Variants in TMEM108 observed in about 807,000 individuals in gnomAD.
The protein encoded by TMEM108 is cancer/testis antigen 124.
Under a neutral mutation model 35.1 loss-of-function variants are expected in TMEM108, and 12 were observed. That is an observed-to-expected ratio of 0.34 (90% CI 0.22 to 0.55). The LOEUF is 0.55. Ranked by LOEUF, TMEM108 falls within the 20% of genes least tolerant of loss-of-function variation. TMEM108 has a pLI of 0.89. For synonymous variants in TMEM108, 287 were observed against 308.6 expected (o/e 0.93, Z 0.73); for missense variants, 680 against 753.3 (o/e 0.90, Z 1.14).
chr3:133,380,559 C>A lies in TMEM108; in HGVS notation c.848C>A (p.Ala283Glu), dbSNP rs772525762. 11 of 1,613,930 alleles carry A rather than the reference C, an allele frequency of 6.8e-6. No homozygotes were observed. The highest frequency in any genetic ancestry group is 8.5e-6 in the Non-Finnish European group (10 of 1,179,954). The change falls in exon 4 of 6, where the codon GCA becomes GAA. Residue 283 changes from alanine (A) to glutamate (E), a missense_variant. Around this residue, in one of 3 missense-constraint regions of TMEM108, gnomAD observed 526 missense variants for 532.1 expected, o/e 0.99. Coordinates refer to ENST00000321871, the MANE Select transcript of TMEM108 (RefSeq NM_023943.4). This position sits in a 1 kb window ranked among gnomAD's most constrained non-coding sequence, Gnocchi z 5.3. ...PAKDKPGLRRAAQGGGSTFTS... is the reference protein window; with the variant it reads ...PAKDKPGLRREAQGGGSTFTS... Reference sequence around the variant, plus strand: ...AAGGACAAGCCAGGCCTTCGCAGAGCAGCCCAGGGGGGTGGTTCTACCTTC... The same window carrying A: ...AAGGACAAGCCAGGCCTTCGCAGAGAAGCCCAGGGGGGTGGTTCTACCTTC...
chr3:133,143,569 G>A (rs1559846222), intron 2 of TMEM108, among the ~76,000 whole-genome samples: 2 of 152,064 alleles, frequency 1.3e-5, no homozygotes, highest in Non-Finnish European at 1.5e-5. Context: ...TTATTGCCTT[G>A]TATGGCGAAA....
chr3:133,201,318 T>A (rs547797171), intron 2 of TMEM108, among the ~76,000 whole-genome samples: 15 of 152,132 alleles, frequency 9.9e-5, no homozygotes, highest in Non-Finnish European at 1.9e-4. Flanking sequence ...AAATTTATAC[T>A]TTAAGTTCTG....
At chr3:133,324,421 T>C (rs2071304719) in intron 3 of TMEM108, among the ~76,000 whole-genome samples, 2 of 152,092 alleles carry the variant, frequency 1.3e-5, no homozygotes, top group South Asian at 4.2e-4. Flanking sequence ...TGAAAAAATA[T>C]TCAACATCAC....
chr3:133,084,245 T>C (rs1943852273), intron 2 of TMEM108, among the ~76,000 whole-genome samples: 2 of 152,230 alleles, frequency 1.3e-5, no homozygotes, highest in South Asian at 4.1e-4. Context: ...CAGACTTGCC[T>C]ATCTGAATCA....
chr3:133,265,170 T>A (rs957422613), intron 3 of TMEM108, among the ~76,000 whole-genome samples: 1 of 152,224 alleles, frequency 6.6e-6, no homozygotes, highest in Non-Finnish European at 1.5e-5. Flanking sequence ...TTAGCATAGA[T>A]CTGCTAGGAA....
chr3:133,272,494 T>C (rs1359562914), intron 3 of TMEM108, among the ~76,000 whole-genome samples: 1 of 152,086 alleles, frequency 6.6e-6, no homozygotes, highest in Non-Finnish European at 1.5e-5. Flanking sequence ...CCAGGGATGC[T>C]AAAGGACTGC....
intron 3 of TMEM108, among the ~76,000 whole-genome samples, chr3:133,317,786 C>T (rs955233935): frequency 6.6e-6 from 1 of 152,110 alleles, no homozygotes; most frequent in Non-Finnish European, 1.5e-5. Context: ...GCAAACAAAA[C>T]CGAACAAATC....
intron 2 of TMEM108, among the ~76,000 whole-genome samples, chr3:133,206,641 A>G (rs1342806980): frequency 6.6e-6 from 1 of 152,212 alleles, no homozygotes; most frequent in Admixed American, 6.5e-5. Context: ...GCTGCAGAAT[A>G]GCAAAGATTG....
At chr3:133,355,237 C>T (rs2072128465) in intron 3 of TMEM108, among the ~76,000 whole-genome samples, 1 of 152,080 alleles carries the variant, frequency 6.6e-6, no homozygotes, top group Non-Finnish European at 1.5e-5. Flanking sequence ...GTTTTTACCT[C>T]CTAAAGTTCA....
intron 1 of TMEM108, among the ~76,000 whole-genome samples, chr3:133,041,218 C>T (rs1457125898): frequency 6.6e-6 from 1 of 152,210 alleles, no homozygotes; most frequent in Non-Finnish European, 1.5e-5. Flanking sequence ...ATGTGGCTTC[C>T]AGAGGACCTG....
intron 2 of TMEM108, among the ~76,000 whole-genome samples, chr3:133,197,823 G>T (rs1249728943): frequency 6.6e-6 from 1 of 152,166 alleles, no homozygotes; most frequent in Admixed American, 6.5e-5. Flanking sequence ...AGACATGAGA[G>T]TCATAAGGAA....
At chr3:133,084,318 A>T (rs918530656) in intron 2 of TMEM108, among the ~76,000 whole-genome samples, 3 of 152,090 alleles carry the variant, frequency 2.0e-5, no homozygotes, top group African/African-American at 4.8e-5. Flanking sequence ...CTTCAAACAG[A>T]CTTCTGTTAC....
At chr3:133,270,125 A>T (rs921334637) in intron 3 of TMEM108, among the ~76,000 whole-genome samples, 1 of 152,054 alleles carries the variant, frequency 6.6e-6, no homozygotes, top group South Asian at 2.1e-4. Flanking sequence ...AGAAAATAAG[A>T]TATTAGAGAT....
chr3:133,367,384 A>C (rs1007893665), intron 3 of TMEM108, among the ~76,000 whole-genome samples: 2 of 152,348 alleles, frequency 1.3e-5, no homozygotes, highest in Non-Finnish European at 2.9e-5. Flanking sequence ...AAGGAGAAGA[A>C]AGCTTTTTAA....
At chr3:133,306,687 G>T (rs1052905566) in intron 3 of TMEM108, among the ~76,000 whole-genome samples, 20 of 152,144 alleles carry the variant, frequency 1.3e-4, no homozygotes, top group African/African-American at 4.3e-4. Context: ...TCCCTGCAAA[G>T]GACATGAACT....
intron 2 of TMEM108, among the ~76,000 whole-genome samples, chr3:133,219,744 T>C (rs1008298304): frequency 3.3e-5 from 5 of 152,168 alleles, no homozygotes; most frequent in African/African-American, 1.2e-4. Context: ...ACTTGTGTTA[T>C]ATATAGTCTA....
intron 2 of TMEM108, among the ~76,000 whole-genome samples, chr3:133,131,340 T>G (rs1944488118): frequency 6.6e-6 from 1 of 151,918 alleles, no homozygotes; most frequent in South Asian, 2.1e-4. Flanking sequence ...TTTGCAATTT[T>G]TATAAATTGA....
At chr3:133,337,867 A>G (rs1191140628) in intron 3 of TMEM108, among the ~76,000 whole-genome samples, 1 of 152,176 alleles carries the variant, frequency 6.6e-6, no homozygotes, top group African/African-American at 2.4e-5. Context: ...TGAAATAATT[A>G]AAAACAATCA....
rs568208823 is a variant in TMEM108, at chr3:133,098,477, A to G, written c.-47+52457A>G. ...CTCATGGCCTCACATTTCAAAACCA[A>G]TTATGCCTTCCGAACAGTCCCCCAA... On this transcript the variant is annotated intron_variant, in intron 2 of 5. Coordinates refer to ENST00000321871, the MANE Select transcript of TMEM108 (RefSeq NM_023943.4). Among the ~76,000 whole-genome samples the G allele has an allele frequency of 1.4e-4, 21 of 152,224 alleles. No individual in the cohort carries two copies. The South Asian group carries it at 3.1e-3, about 23-fold the overall frequency.
Sources: allele counts gnomAD v4.1 joint callset (sites outside exome capture counted in the v4.1 genomes callset), GRCh38; gene constraint gnomAD v4.1.1; regional missense constraint gnomAD v4.1.1; non-coding constraint Gnocchi (gnomAD v3.1); transcripts MANE v1.5; gene names NCBI Gene and HGNC (gene_info 2026-07-23, HGNC 2026-07-21).